The following STAT1 variants were observed in gnomAD, a reference collection of about 807,000 sequenced individuals.
The protein encoded by STAT1 is signal transducer and activator of transcription 1.
Under a neutral mutation model 111.7 loss-of-function variants are expected in STAT1, and 24 were observed. That is an observed-to-expected ratio of 0.21 (90% CI 0.16 to 0.30). STAT1 has a LOEUF of 0.30. Among genes scored for constraint, STAT1 ranks in the 10% least tolerant of loss-of-function variants. The pLI, the probability that STAT1 is intolerant of heterozygous loss-of-function variation, is 1.00. For synonymous variants in STAT1, 332 were observed against 326.5 expected (o/e 1.02, Z -0.18); for missense variants, 351 against 911.9 (o/e 0.38, Z 7.92).
At position 190,997,992 on chromosome 2, in the gene STAT1, T is replaced by C; in HGVS notation, c.649A>G (p.Ile217Val). ...DNKRKEVVHK[I>V]IELLNVTELT... ...TCAGTGACATTCAGCAACTCTATTATTTTGTGAACTACTTCCTAAAGGCAA... is the reference window on the plus strand; with the variant it reads ...TCAGTGACATTCAGCAACTCTATTACTTTGTGAACTACTTCCTAAAGGCAA... The change falls in exon 9 of 25, where the codon ATA (isoleucine) becomes GTA (valine). Residue 217 changes from isoleucine (I) to valine (V), a missense_variant. By Grantham distance (29) the Ile-to-Val change is conservative. This residue lies in a region of STAT1 where 67 missense variants were observed against 158.9 expected (regional missense o/e 0.42). Transcript: ENST00000361099. This position sits in a 1 kb window ranked among gnomAD's most constrained non-coding sequence, Gnocchi z 7.3. 6.2e-7 allele frequency: 1 copy of C among 1,614,254 alleles called. No homozygotes were observed. Among genetic ancestry groups the C allele is most frequent in the Non-Finnish European group, 8.5e-7 (1 of 1,180,044 alleles).
chr2:190,979,092 T>C lies in STAT1; in HGVS notation c.1728-91A>G. On this transcript the variant is annotated intron_variant, in intron 20 of 24. Coordinates refer to ENST00000361099, the MANE Select transcript of STAT1 (RefSeq NM_007315.4). This position sits in a 1 kb window ranked among gnomAD's most constrained non-coding sequence, Gnocchi z 5.8. ...TTACAAACCAAGAAAATGGCTGGAA[T>C]GTGAGAAAAAAAACCTACGGTAAAA... 6.4e-7 allele frequency: 1 copy of C among 1,553,090 alleles called. No individual in the cohort carries two copies. Among genetic ancestry groups the C allele is most frequent in the Non-Finnish European group, 8.8e-7 (1 of 1,136,558 alleles).
Position 190,975,929 on chromosome 2 carries a change from T to C in STAT1, c.2060-42A>G. On this transcript the variant is annotated intron_variant, in intron 22 of 24. Coordinates refer to ENST00000361099, the MANE Select transcript of STAT1 (RefSeq NM_007315.4). This position sits in a 1 kb window ranked among gnomAD's most constrained non-coding sequence, Gnocchi z 5.9. The stretch of plus-strand genomic sequence containing the variant: ...TGTGTACGCTTTCCATCAACCGAAA[T>C]TCCATCAGAATACAACATCAACTTT... The C allele has an allele frequency of 6.5e-7, 1 of 1,540,880 alleles. No individual in the cohort carries two copies. Among genetic ancestry groups the C allele is most frequent in the Non-Finnish European group, 9.0e-7 (1 of 1,113,798 alleles).
chr2:190,993,277 C>A lies in STAT1; in HGVS notation c.944+1784G>T. On this transcript the variant is annotated intron_variant, in intron 10 of 24. Transcript: ENST00000361099. The surrounding 1 kb of genome is among the most constrained non-coding windows in gnomAD (Gnocchi z 4.1). The stretch of plus-strand genomic sequence containing the variant: ...GTCACTGTTTAATATTATTGAAGGA[C>A]TCCTGATCTGTCACATCATACACCA... 3.2e-6 allele frequency: 2 copies of A among 631,544 alleles called. No individual in the cohort carries two copies. Among genetic ancestry groups the A allele is most frequent in the Non-Finnish European group, 3.0e-6 (1 of 335,412 alleles). The allele number at this position is 631,544 out of a possible 1,614,324, so 39.1% of individuals were successfully genotyped here. A position where few individuals can be genotyped will look rare whatever the true frequency, so the allele number is the denominator to read the frequency against.
intron 10 of STAT1, 102 bp downstream of exon 10, chr2:190,994,959 A>ATATATATATAT (rs1559017192): frequency 6.5e-6 from 3 of 461,778 alleles, no homozygotes; most frequent in South Asian, 3.6e-5. Context: ...TATATATATA[A>ATATATATATAT]AAAACACCTA....
At chr2:191,010,695 C>T (rs1695053758) in intron 2 of STAT1, among the ~76,000 whole-genome samples, 1 of 152,154 alleles carries the variant, frequency 6.6e-6, no homozygotes. Flanking sequence ...TTCTTATACA[C>T]ATTTAAAAAG....
chr2:190,981,979 T>G lies in STAT1; in HGVS notation c.1582+404A>C, dbSNP rs1559008891. Among the ~76,000 whole-genome samples the G allele has an allele frequency of 6.6e-6, 1 of 152,256 alleles. No homozygotes were observed. Among genetic ancestry groups the G allele is most frequent in the Non-Finnish European group, 1.5e-5 (1 of 68,034 alleles). On this transcript the variant is annotated intron_variant, in intron 18 of 24. Transcript: ENST00000361099. This position sits in a 1 kb window ranked among gnomAD's most constrained non-coding sequence, Gnocchi z 4.1. ...TGAGGCAAGGGCCCTGGGTTTATGCTGCAGTGGGCAAGCCCCAGGACTTTA... is the reference window on the plus strand; with the variant it reads ...TGAGGCAAGGGCCCTGGGTTTATGCGGCAGTGGGCAAGCCCCAGGACTTTA...
In STAT1 at chr2:190,988,413, C is replaced by T. The variant is rs1693039235; in HGVS notation, c.1097+1202G>A. 2.0e-5 allele frequency among the ~76,000 whole-genome samples: 3 copies of T among 152,214 alleles called. No individual in the cohort carries two copies. The South Asian group carries it at 6.2e-4, about 32-fold the overall frequency. ...GTTTGTTTTTAGACAGAGTCTCACT[C>T]TGTCACCCAGGCTGGAGTGCAGTGG... On this transcript the variant is annotated intron_variant, in intron 12 of 24. Transcript: ENST00000361099.
rs1347608135 is a variant in STAT1, at chr2:190,984,714, T to C, written c.1264-321A>G. Among the ~76,000 whole-genome samples the C allele has an allele frequency of 6.6e-6, 1 of 152,188 alleles. No individual in the cohort carries two copies. Among genetic ancestry groups the C allele is most frequent in the African/African-American group, 2.4e-5 (1 of 41,444 alleles). ...TGCCTGCCCAGTGTGGCTGCACATC[T>C]CAATGCAGATGGGTGGGGAGAAGGT... On this transcript the variant is annotated intron_variant, in intron 15 of 24. Transcript: ENST00000361099. This position sits in a 1 kb window ranked among gnomAD's most constrained non-coding sequence, Gnocchi z 5.2.
At position 190,980,264 on chromosome 2, in the gene STAT1, G is replaced by C. The variant is rs531879101; in HGVS notation, c.1632+356C>G. ...TTCCCCGCAGTGGGCCCCTCTGCTC[G>C]AGCAGGCCGTTAAACTCGTCTGGCT... On this transcript the variant is annotated intron_variant, in intron 19 of 24. Transcript: ENST00000361099. This position sits in a 1 kb window ranked among gnomAD's most constrained non-coding sequence, Gnocchi z 6.1. 6.6e-6 allele frequency among the ~76,000 whole-genome samples: 1 copy of C among 152,238 alleles called. No individual in the cohort carries two copies. The highest frequency in any genetic ancestry group is 1.5e-5 in the Non-Finnish European group (1 of 68,026).
At position 190,983,580 on chromosome 2, in the gene STAT1, C is replaced by T. The variant is rs1574645209; in HGVS notation, c.1446+62G>A. ...GGCCATTGGGGCTATTTCAGAGATG[C>T]AGCAGTGAGAGCGTGGGGTCTCTGC... is the stretch of plus-strand genomic sequence containing the variant. On this transcript the variant is annotated intron_variant, in intron 17 of 24. Transcript: ENST00000361099. The surrounding 1 kb of genome is among the most constrained non-coding windows in gnomAD (Gnocchi z 5.7). 1 of 1,423,166 alleles carries T rather than the reference C, an allele frequency of 7.0e-7. No homozygotes were observed. The highest frequency in any genetic ancestry group is 2.3e-5 in the East Asian group (1 of 43,976). The allele number at this position is 1,423,166 out of a possible 1,614,324, so 88.2% of individuals were successfully genotyped here.
chr2:190,985,544 A>C, intron 15 of STAT1, 75 bp downstream of exon 15: 1 of 1,513,516 alleles, frequency 6.6e-7, no homozygotes. Flanking sequence ...AGGTGTCCCC[A>C]GCCACCAACT....
rs889007244 is a variant in STAT1 at position 190,978,480 on chromosome 2, T to C, written c.1873+376A>G. Reference sequence around the variant, plus strand: ...AAGTCTTCTCCCGAAGCCTGTCTCATCTGCACACTCTACTCTGGGATGACC... The same window carrying C: ...AAGTCTTCTCCCGAAGCCTGTCTCACCTGCACACTCTACTCTGGGATGACC... On this transcript the variant is annotated intron_variant, in intron 21 of 24. Transcript: ENST00000361099. The surrounding 1 kb of genome is among the most constrained non-coding windows in gnomAD (Gnocchi z 6.1). The C allele has an allele frequency of 3.6e-5, 12 of 332,016 alleles. No individual in the cohort carries two copies. In the East Asian group the frequency reaches 8.9e-4, roughly 25 times the overall value. The allele number at this position is 332,016 out of a possible 1,614,324, so 20.6% of individuals were successfully genotyped here.
rs1431755920 is a variant in STAT1, at chr2:190,969,417, T to C, written c.*1286A>G. On this transcript the variant is annotated 3_prime_UTR_variant, in exon 25 of 25. Coordinates refer to ENST00000361099, the MANE Select transcript of STAT1 (RefSeq NM_007315.4). ...CATGATAATATAGTTGTGGTAGCAG[T>C]AGTGGAAAAACAAGATACAGCCACA... 2.0e-5 allele frequency: 3 copies of C among 152,122 alleles called. No individual in the cohort carries two copies. The highest frequency in any genetic ancestry group is 2.9e-5 in the Non-Finnish European group (2 of 68,000). The allele number at this position is 152,122 out of a possible 1,614,324, so 9.4% of individuals were successfully genotyped here.
rs1411146753 is a variant in STAT1, at chr2:190,998,317, T to C, written c.542-9A>G. The C allele has an allele frequency of 6.2e-7, 1 of 1,602,136 alleles. No individual in the cohort carries two copies. The highest frequency in any genetic ancestry group is 2.2e-5 in the East Asian group (1 of 44,806). ...ACCATTGGTCTCGTGTTCTATAAAT[T>C]GAGAGACAGCCAGTAAATATATAAA... On this transcript the variant is annotated splice_polypyrimidine_tract_variant and intron_variant, in intron 7 of 24. Transcript: ENST00000361099. This position sits in a 1 kb window ranked among gnomAD's most constrained non-coding sequence, Gnocchi z 4.1.
rs1351012380 is a variant in STAT1, at chr2:190,986,171, G to A, written c.1222-511C>T. 6.6e-6 allele frequency among the ~76,000 whole-genome samples: 1 copy of A among 152,198 alleles called. No homozygotes were observed. Among genetic ancestry groups the A allele is most frequent in the African/African-American group, 2.4e-5 (1 of 41,444 alleles). ...GGGCTAAGCTTTCGAGTTAGGTAGA[G>A]CTTCCTAGCTACGAGGCTTGCTGGA... On this transcript the variant is annotated intron_variant, in intron 14 of 24. Transcript: ENST00000361099. The surrounding 1 kb of genome is among the most constrained non-coding windows in gnomAD (Gnocchi z 5.0).
intron 2 of STAT1, chr2:191,010,388 T>C: frequency 2.1e-6 from 1 of 471,440 alleles, no homozygotes; most frequent in South Asian, 1.5e-5. Context: ...TTTTCATTAT[T>C]GTCTGTTTTC....
chr2:190,988,218 T>C (rs1693023109), intron 12 of STAT1, among the ~76,000 whole-genome samples: 1 of 152,330 alleles, frequency 6.6e-6, no homozygotes, highest in East Asian at 1.9e-4. Context: ...GCTAGCCTTT[T>C]TGAGGTGCAT....
At position 190,969,233 on chromosome 2, in the gene STAT1, A is replaced by T. The variant is rs1345243082; in HGVS notation, c.*1470T>A. Reference sequence around the variant, plus strand: ...ATCAACTGAAACTTAGGTTCTCGCCATCTATATAAAAACTGAGAGAGGAGG... The same window carrying T: ...ATCAACTGAAACTTAGGTTCTCGCCTTCTATATAAAAACTGAGAGAGGAGG... On this transcript the variant is annotated 3_prime_UTR_variant, in exon 25 of 25. Transcript: ENST00000361099. 6.6e-6 allele frequency: 1 copy of T among 152,176 alleles called. No individual in the cohort carries two copies. The highest frequency in any genetic ancestry group is 1.5e-5 in the Non-Finnish European group (1 of 67,992). The allele number at this position is 152,176 out of a possible 1,614,324, so 9.4% of individuals were successfully genotyped here.
chr2:191,007,718 G>T lies in STAT1; in HGVS notation c.274-57C>A. 7.9e-7 allele frequency: 1 copy of T among 1,272,700 alleles called. No individual in the cohort carries two copies. The highest frequency in any genetic ancestry group is 1.2e-5 in the South Asian group (1 of 84,072). The allele number at this position is 1,272,700 out of a possible 1,614,324, so 78.8% of individuals were successfully genotyped here. A position where few individuals can be genotyped will look rare whatever the true frequency, so the allele number is the denominator to read the frequency against. On this transcript the variant is annotated intron_variant, in intron 4 of 24. Coordinates refer to ENST00000361099, the MANE Select transcript of STAT1 (RefSeq NM_007315.4). This position sits in a 1 kb window ranked among gnomAD's most constrained non-coding sequence, Gnocchi z 4.2. ...TAAAATGCAGAATGTTTACTTTATT[G>T]TGTATTGTAAGTTGATATGAATTTG...
Sources: gnomAD v4.1 joint callset for allele counts (sites outside exome capture counted in the v4.1 genomes callset) on GRCh38, gnomAD v4.1.1 for gene constraint, gnomAD v4.1.1 regional missense constraint, Gnocchi (gnomAD v3.1) non-coding constraint, MANE v1.5 for transcripts, NCBI Gene and HGNC (gene_info 2026-07-23, HGNC 2026-07-21) for gene names.